PPP1R15B: variants seen among roughly 807,000 people sequenced by gnomAD.
PPP1R15B encodes protein phosphatase 1, regulatory (inhibitor) subunit 15B.
A neutral mutation model predicts 53.9 loss-of-function variants in PPP1R15B; 31 were observed. That is an observed-to-expected ratio of 0.58 (90% confidence interval 0.43 to 0.78). The LOEUF (loss-of-function observed/expected upper bound fraction) is 0.78, where lower values mean the gene tolerates loss of function less well. PPP1R15B is among the 30% of genes least tolerant of loss of function. PPP1R15B has a pLI of 0.00. For missense variants in PPP1R15B, 928 were observed against 849.6 expected (o/e 1.09, Z -1.15); for synonymous variants, 345 against 329.1 (o/e 1.05, Z -0.52).
chr1:204,410,110 G>A lies in PPP1R15B; in HGVS notation c.1302C>T (p.Ser434=). 6 of 1,614,092 alleles carry A rather than the reference G, an allele frequency of 3.7e-6. No homozygotes were observed. The South Asian group carries it at 6.6e-5, about 18-fold the overall frequency. ...KLIDYILGGA[S]SDLETSSDPE... Reference sequence around the variant, plus strand: ...GATCAGAACTTGTTTCCAGGTCACTGGATGCACCTCCCAAAATATAATCTA... The same window carrying A: ...GATCAGAACTTGTTTCCAGGTCACTAGATGCACCTCCCAAAATATAATCTA... The change falls in exon 1 of 2, where the codon TCC becomes TCT. Residue 434 remains serine, a synonymous_variant. Transcript: ENST00000367188.
rs759231876 is a variant in PPP1R15B at position 204,409,948 on chromosome 1, A to G, written c.1464T>C (p.Asn488=). 1 of 1,611,308 alleles carries G rather than the reference A, an allele frequency of 6.2e-7. No individual in the cohort carries two copies. The highest frequency in any genetic ancestry group is 1.1e-5 in the South Asian group (1 of 90,676). Residue 488 remains asparagine, a synonymous_variant, in exon 1 of 2, where the codon AAT becomes AAC. Coordinates refer to ENST00000367188, the MANE Select transcript of PPP1R15B (RefSeq NM_032833.5). ...WNSFCSVDPY[N]PQNFTATIQT... ...GAATTGTTGCTGTAAAGTTCTGGGGATTATAAGGATCTACACTGCAGAAAG... is the reference window on the plus strand; with the variant it reads ...GAATTGTTGCTGTAAAGTTCTGGGGGTTATAAGGATCTACACTGCAGAAAG...
At chr1:204,402,799 C>T (rs1674198816), downstream of PPP1R15B, among the ~76,000 whole-genome samples, 1 of 151,908 alleles carries the variant, frequency 6.6e-6, no homozygotes, top group Non-Finnish European at 1.5e-5. Flanking sequence ...AATAGCCAGA[C>T]ACGGTGGCTC....
rs776818188 is a variant in PPP1R15B at position 204,410,652 on chromosome 1, T to C, written c.760A>G (p.Thr254Ala). 6.2e-7 allele frequency: 1 copy of C among 1,613,872 alleles called. No homozygotes were observed. Reference protein sequence around the residue: ...NSEVVGFQTLTPESSCLREDH... With the variant: ...NSEVVGFQTLAPESSCLREDH... ...TCTCTCAGGCAGCTGCTCTCTGGGG[T>C]TAGTGTCTGGAAGCCGACTACCTCG... Residue 254 changes from threonine to alanine, a missense_variant, in exon 1 of 2, where the codon ACC (threonine) becomes GCC (alanine). Transcript: ENST00000367188.
rs1475137842 is a variant in PPP1R15B at position 204,406,375 on chromosome 1, A to G, written c.1921-62T>C. ...GATCTTACAATCAGCATTGAGGTCA[A>G]TAACCCTTTATGCTACCAATTCTTT... On this transcript the variant is annotated intron_variant, in intron 1 of 1. Transcript: ENST00000367188. 1.9e-6 allele frequency: 3 copies of G among 1,570,232 alleles called. No homozygotes were observed. The Admixed American group carries it at 5.4e-5, about 28-fold the overall frequency.
At chr1:204,398,372 T>C (rs1004472943), downstream of PPP1R15B, among the ~76,000 whole-genome samples, 1 of 152,106 alleles carries the variant, frequency 6.6e-6, no homozygotes, top group African/African-American at 2.4e-5. Context: ...TCCTAGCTAC[T>C]TGGGAGGCTG....
In PPP1R15B at chr1:204,410,641, G is replaced by A. The variant is rs200538498; in HGVS notation, c.771C>T (p.Ser257=). 20 of 1,614,008 alleles carry A rather than the reference G, an allele frequency of 1.2e-5. No homozygotes were observed. In the East Asian group the frequency reaches 2.7e-4, roughly 22 times the overall value. ...GACAATGGTCCTCTCTCAGGCAGCT[G>A]CTCTCTGGGGTTAGTGTCTGGAAGC... ...VVGFQTLTPE[S]SCLREDHCHP... The change falls in exon 1 of 2, where the codon AGC becomes AGT. Residue 257 remains serine, a synonymous_variant. Coordinates refer to ENST00000367188, the MANE Select transcript of PPP1R15B (RefSeq NM_032833.5).
chr1:204,406,713 C>A (rs112722525), intron 1 of PPP1R15B, among the ~76,000 whole-genome samples: 3,848 of 151,138 alleles, frequency 0.025, 71 homozygotes, highest in Middle Eastern at 0.055. Context: ...TATCGCGCCA[C>A]TACACTCTAG....
At chr1:204,402,166 A>G (rs1674188944), downstream of PPP1R15B, among the ~76,000 whole-genome samples, 1 of 152,178 alleles carries the variant, frequency 6.6e-6, no homozygotes, top group South Asian at 2.1e-4. Flanking sequence ...TTTGTACTAA[A>G]TATTGTTTAA....
downstream of PPP1R15B, among the ~76,000 whole-genome samples, chr1:204,402,477 A>G (rs932289593): frequency 2.0e-5 from 3 of 152,152 alleles, no homozygotes; most frequent in African/African-American, 7.2e-5. Flanking sequence ...GTGGAATCAC[A>G]GCTCACTGCA....
chr1:204,408,748 CA>C (rs1674308326), intron 1 of PPP1R15B, among the ~76,000 whole-genome samples: 1 of 152,174 alleles, frequency 6.6e-6, no homozygotes, highest in Non-Finnish European at 1.5e-5. Context: ...TAAAATGCTG[CA>C]TGAAGTTTTA....
At position 204,410,911 on chromosome 1, in the gene PPP1R15B, C is replaced by G. The variant is rs1311174225; in HGVS notation, c.501G>C (p.Leu167Phe). The change falls in exon 1 of 2, where the codon TTG becomes TTC. Residue 167 changes from leucine (L) to phenylalanine (F), a missense_variant. Coordinates refer to ENST00000367188, the MANE Select transcript of PPP1R15B (RefSeq NM_032833.5). ...AGAGAAAAGCCTGTGCTGCAGGGTC[C>G]AAAGCACTTCCCTTGGCCTTAAGCT... ...KLELKAKGSA[L>F]DPAAQAFLLE... 2 of 1,613,894 alleles carry G rather than the reference C, an allele frequency of 1.2e-6. No individual in the cohort carries two copies. The highest frequency in any genetic ancestry group is 1.6e-4 in the Middle Eastern group (1 of 6,080).
In PPP1R15B at chr1:204,405,045, C is replaced by T. The variant is rs888849980; in HGVS notation, c.*1047G>A. Reference sequence around the variant, plus strand: ...TGAAGTTTATATTTTACATTTCAAACGTGAAAATTCAGAACTGCCCATTTC... The same window carrying T: ...TGAAGTTTATATTTTACATTTCAAATGTGAAAATTCAGAACTGCCCATTTC... On this transcript the variant is annotated 3_prime_UTR_variant, in exon 2 of 2. Coordinates refer to ENST00000367188, the MANE Select transcript of PPP1R15B (RefSeq NM_032833.5). 10 of 985,640 alleles carry T rather than the reference C, an allele frequency of 1.0e-5. No homozygotes were observed. Among genetic ancestry groups the T allele is most frequent in the Admixed American group, 1.2e-4 (2 of 16,252 alleles). 61.1% of individuals were successfully genotyped at this position (985,640 alleles called of 1,614,324 possible). A position where few individuals can be genotyped will look rare whatever the true frequency, so the allele number is the denominator to read the frequency against.
In PPP1R15B at chr1:204,403,947, T is replaced by A; in HGVS notation, c.*2145A>T. ...GAGGTTAGAATCCCATGGGGAACAATTTTCCAAAATCCAATGAAAGATGTC... is the reference window on the plus strand; with the variant it reads ...GAGGTTAGAATCCCATGGGGAACAAATTTCCAAAATCCAATGAAAGATGTC... On this transcript the variant is annotated 3_prime_UTR_variant, in exon 2 of 2. Coordinates refer to ENST00000367188, the MANE Select transcript of PPP1R15B (RefSeq NM_032833.5). 2 of 985,448 alleles carry A rather than the reference T, an allele frequency of 2.0e-6. No individual in the cohort carries two copies. The highest frequency in any genetic ancestry group is 2.4e-6 in the Non-Finnish European group (2 of 829,922). The allele number at this position is 985,448 out of a possible 1,614,324, so 61.0% of individuals were successfully genotyped here.
At position 204,409,640 on chromosome 1, in the gene PPP1R15B, G is replaced by GACTCA; in HGVS notation, c.1771_1772insTGAGT (p.Pro591LeufsTer53). On this transcript the variant is annotated frameshift_variant, in exon 1 of 2. Coordinates refer to ENST00000367188, the MANE Select transcript of PPP1R15B (RefSeq NM_032833.5). LOFTEE classifies it high-confidence loss of function. ...AGAAATGGCCACAATGGACTCAGAT[G>GACTCA]GGGTCTTTGAGTCACGACAGCCTTT... 1 of 1,614,128 alleles carries GACTCA rather than the reference G, an allele frequency of 6.2e-7. No homozygotes were observed. The highest frequency in any genetic ancestry group is 8.5e-7 in the Non-Finnish European group (1 of 1,180,020).
At position 204,410,995 on chromosome 1, in the gene PPP1R15B, G is replaced by A. The variant is rs1424742699; in HGVS notation, c.417C>T (p.Pro139=). 3 of 1,614,068 alleles carry A rather than the reference G, an allele frequency of 1.9e-6. No homozygotes were observed. The highest frequency in any genetic ancestry group is 2.5e-6 in the Non-Finnish European group (3 of 1,180,048). The change falls in exon 1 of 2, where the codon CCC becomes CCT. Residue 139 remains proline (P), a synonymous_variant. Coordinates refer to ENST00000367188, the MANE Select transcript of PPP1R15B (RefSeq NM_032833.5). ...LDSSDPSVTS[P]LDWLEEGIHW... ...GGATCCCCTCCTCTAGCCAATCAAG[G>A]GGACTGGTGACCGAGGGGTCTGAGG...
intron 1 of PPP1R15B, among the ~76,000 whole-genome samples, chr1:204,406,904 C>G (rs1674275417): frequency 6.6e-6 from 1 of 152,064 alleles, no homozygotes; most frequent in African/African-American, 2.4e-5. Flanking sequence ...CTGCCCCCCC[C>G]AATCCCCCAC....
rs747780003 is a variant in PPP1R15B at position 204,410,370 on chromosome 1, G to C, written c.1042C>G (p.Pro348Ala). Reference sequence around the variant, plus strand: ...TTTCCAGGAATGTCTCCAGCAGCAGGAACAAACTGTGTTGGGTTATCTCTG... The same window carrying C: ...TTTCCAGGAATGTCTCCAGCAGCAGCAACAAACTGTGTTGGGTTATCTCTG... Reference protein sequence around the residue: ...HCRDNPTQFVPAAGDIPGNTQ... With the variant: ...HCRDNPTQFVAAAGDIPGNTQ... Residue 348 changes from proline to alanine, a missense_variant, in exon 1 of 2, where the codon CCT (proline) becomes GCT (alanine). Coordinates refer to ENST00000367188, the MANE Select transcript of PPP1R15B (RefSeq NM_032833.5). The C allele has an allele frequency of 3.1e-6, 5 of 1,614,154 alleles. No homozygotes were observed. Among genetic ancestry groups the C allele is most frequent in the Non-Finnish European group, 4.2e-6 (5 of 1,180,012 alleles).
Position 204,405,796 on chromosome 1 carries a change from A to G in PPP1R15B, c.*296T>C. 1 of 1,082,118 alleles carries G rather than the reference A, an allele frequency of 9.2e-7. No homozygotes were observed. The highest frequency in any genetic ancestry group is 1.1e-6 in the Non-Finnish European group (1 of 889,864). The allele number at this position is 1,082,118 out of a possible 1,614,324, so 67.0% of individuals were successfully genotyped here. A position where few individuals can be genotyped will look rare whatever the true frequency, so the allele number is the denominator to read the frequency against. On this transcript the variant is annotated 3_prime_UTR_variant, in exon 2 of 2. Coordinates refer to ENST00000367188, the MANE Select transcript of PPP1R15B (RefSeq NM_032833.5). The stretch of plus-strand genomic sequence containing the variant: ...ATAAGTTTTGAAAGTGCAAAATGAC[A>G]ACTCAAAAAGGTCCCCTTTCCACCT...
downstream of PPP1R15B, among the ~76,000 whole-genome samples, chr1:204,399,198 C>T (rs2103438559): frequency 6.6e-6 from 1 of 152,134 alleles, no homozygotes; most frequent in Admixed American, 6.5e-5. Context: ...GAGGCCAAGG[C>T]AGGAGGACTG....
Sources: allele counts gnomAD v4.1 joint callset (sites outside exome capture counted in the v4.1 genomes callset), GRCh38; gene constraint gnomAD v4.1.1; transcripts MANE v1.5; gene names NCBI Gene and HGNC (gene_info 2026-07-23, HGNC 2026-07-21).